EYS: variants seen among roughly 807,000 people sequenced by gnomAD.
The protein encoded by EYS is EGF-like photoreceptor maintenance factor, also known as protein eyes shut homolog.
A neutral mutation model predicts 282.1 loss-of-function variants in EYS; 250 were observed. The observed-to-expected ratio is 0.89, with a 90% CI of 0.80 to 0.98. EYS has a LOEUF of 0.98. EYS is among the 50% of genes least tolerant of loss of function. The probability of loss-of-function intolerance (pLI) is 0.00; values close to 1 mark genes in which losing one functional copy is unlikely to be tolerated. For synonymous variants in EYS, 1,355 were observed against 1,282.9 expected (o/e 1.06, Z -1.20); for missense variants, 4,016 against 3,709.0 (o/e 1.08, Z -2.15).
chr6:64,289,965 G>T (rs546154945), intron 30 of EYS, among the ~76,000 whole-genome samples: 3 of 151,924 alleles, frequency 2.0e-5, no homozygotes, highest in African/African-American at 7.2e-5. Context: ...TGAGAAGGCT[G>T]GATAATAATA....
chr6:64,591,851 A>C lies in EYS; in HGVS notation c.4016T>G (p.Leu1339Arg). 1 of 1,551,304 alleles carries C rather than the reference A, an allele frequency of 6.4e-7. No individual in the cohort carries two copies. Among genetic ancestry groups the C allele is most frequent in the Non-Finnish European group, 8.7e-7 (1 of 1,146,700 alleles). Reference protein sequence around the residue: ...VTRELSAKHSLLSSADVSSSR... With the variant: ...VTRELSAKHSRLSSADVSSSR... ...AGAGGAAACATCTGCGGAAGAAAGAAGACTGTGTTTTGCTGAAAGCTCTCT... is the reference window on the plus strand; with the variant it reads ...AGAGGAAACATCTGCGGAAGAAAGACGACTGTGTTTTGCTGAAAGCTCTCT... The change falls in exon 26 of 43, where the codon CTT becomes CGT. Residue 1339 changes from leucine (L) to arginine (R), a missense_variant. Transcript: ENST00000503581.
chr6:64,797,827 G>A (rs888063230), intron 22 of EYS, among the ~76,000 whole-genome samples: 28 of 151,900 alleles, frequency 1.8e-4, no homozygotes, highest in African/African-American at 5.3e-4. Flanking sequence ...CAATATACCC[G>A]TGAGATCTCT....
At chr6:65,603,760 T>A (rs1379995819) in intron 2 of EYS, among the ~76,000 whole-genome samples, 1 of 151,552 alleles carries the variant, frequency 6.6e-6, no homozygotes, top group African/African-American at 2.4e-5. Context: ...TTCCTTTTTT[T>A]CCCTCAGTGC....
At chr6:64,611,895 T>C (rs1767126164) in intron 24 of EYS, among the ~76,000 whole-genome samples, 1 of 152,164 alleles carries the variant, frequency 6.6e-6, no homozygotes, top group South Asian at 2.1e-4. Flanking sequence ...ATTACGAGTT[T>C]GTCTAAAATG....
At chr6:64,391,087 A>C (rs1266660174) in intron 28 of EYS, among the ~76,000 whole-genome samples, 1 of 152,176 alleles carries the variant, frequency 6.6e-6, no homozygotes, top group Non-Finnish European at 1.5e-5. Context: ...AAAGAATAAA[A>C]AGAAAGGAGC....
intron 31 of EYS, among the ~76,000 whole-genome samples, chr6:64,129,377 A>C (rs1773890012): frequency 1.3e-5 from 2 of 152,194 alleles, no homozygotes; most frequent in African/African-American, 4.8e-5. Flanking sequence ...ATGGCCAGTG[A>C]TGATGAACAT....
chr6:65,694,888 C>T (rs77017163), intron 1 of EYS, among the ~76,000 whole-genome samples: 7 of 151,432 alleles, frequency 4.6e-5, no homozygotes, highest in East Asian at 1.9e-4. Flanking sequence ...GACAGTATTG[C>T]GTAAGAAAAA....
intron 29 of EYS, among the ~76,000 whole-genome samples, chr6:64,385,379 C>A: frequency 6.6e-6 from 1 of 152,094 alleles, no homozygotes; most frequent in East Asian, 1.9e-4. Context: ...AATAAAAAAT[C>A]AATGAGGGGC....
chr6:64,480,540 G>T (rs949106793), intron 26 of EYS, among the ~76,000 whole-genome samples: 1 of 151,788 alleles, frequency 6.6e-6, no homozygotes, highest in Non-Finnish European at 1.5e-5. Context: ...CTAAATGAAA[G>T]TTTGCAGCCT....
intron 14 of EYS, among the ~76,000 whole-genome samples, chr6:64,997,246 A>G (rs1430075546): frequency 6.6e-6 from 1 of 152,190 alleles, no homozygotes; most frequent in African/African-American, 2.4e-5. Flanking sequence ...AGTTAGATAA[A>G]AATAGGTGGC....
intron 22 of EYS, among the ~76,000 whole-genome samples, chr6:64,661,297 T>C (rs1397553804): frequency 6.6e-6 from 1 of 152,072 alleles, no homozygotes; most frequent in Non-Finnish European, 1.5e-5. Flanking sequence ...GAAGAAAACC[T>C]AGGCAATACC....
At chr6:64,150,710 C>A (rs1307691260) in intron 31 of EYS, among the ~76,000 whole-genome samples, 1 of 152,040 alleles carries the variant, frequency 6.6e-6, no homozygotes, top group Non-Finnish European at 1.5e-5. Context: ...AAATCCTTAA[C>A]CTTGGCTGGG....
intron 26 of EYS, among the ~76,000 whole-genome samples, chr6:64,556,504 G>C (rs752244606): frequency 5.3e-5 from 8 of 151,810 alleles, no homozygotes; most frequent in Non-Finnish European, 7.4e-5. Context: ...CTACACAAAG[G>C]CATGAGGGAA....
intron 34 of EYS, among the ~76,000 whole-genome samples, chr6:63,994,387 T>A (rs1362109846): frequency 2.0e-5 from 3 of 151,918 alleles, no homozygotes; most frequent in Non-Finnish European, 4.4e-5. Context: ...CCAAGGATTC[T>A]CATTATTTTA....
intron 36 of EYS, among the ~76,000 whole-genome samples, chr6:63,835,146 A>G (rs1295639229): frequency 1.3e-5 from 2 of 151,824 alleles, no homozygotes; most frequent in Non-Finnish European, 2.9e-5. Flanking sequence ...GCATATGTAT[A>G]CATATGTAAC....
chr6:64,657,484 G>T (rs10944666), intron 22 of EYS, among the ~76,000 whole-genome samples: 29,635 of 152,088 alleles, frequency 0.19, 3,412 homozygotes, highest in East Asian at 0.35. Flanking sequence ...TTTTTGCAGT[G>T]GCTGGTACTG....
chr6:64,261,114 G>C (rs772752434), intron 30 of EYS, among the ~76,000 whole-genome samples: 12 of 151,766 alleles, frequency 7.9e-5, no homozygotes, highest in Non-Finnish European at 1.3e-4. Flanking sequence ...CCAAATACTA[G>C]ATCATACTCA....
rs777911178 is a variant in EYS at position 65,343,171 on chromosome 6, TG to T, written c.1599+866del. ...TATTTGAAGTCTTTTTGCCTGTAGTTGTAATGCCTCTAGATGAATTTGAAGG... is the reference window on the plus strand; with the variant it reads ...TATTTGAAGTCTTTTTGCCTGTAGTTTAATGCCTCTAGATGAATTTGAAGG... On this transcript the variant is annotated intron_variant, in intron 10 of 42. Transcript: ENST00000503581. 1.7e-4 allele frequency among the ~76,000 whole-genome samples: 26 copies of T among 151,384 alleles called. No individual in the cohort carries two copies. In the Middle Eastern group the frequency reaches 0.01, roughly 60 times the overall value.
At chr6:64,325,324 G>T (rs922077277) in intron 29 of EYS, among the ~76,000 whole-genome samples, 2 of 152,168 alleles carry the variant, frequency 1.3e-5, no homozygotes, top group African/African-American at 4.8e-5. Context: ...AACAATCATT[G>T]CATCTTGGCT....
Sources: allele counts gnomAD v4.1 joint callset (sites outside exome capture counted in the v4.1 genomes callset), GRCh38; gene constraint gnomAD v4.1.1; transcripts MANE v1.5; gene names NCBI Gene and HGNC (gene_info 2026-07-23, HGNC 2026-07-21).